Variants in CCPG1 observed in about 807,000 individuals in gnomAD.
CCPG1 encodes cell cycle progression protein 1.
In CCPG1, 46 loss-of-function variants were observed where a neutral mutation model predicts 81.3. That is an observed-to-expected ratio of 0.57 (90% CI 0.45 to 0.72). CCPG1 has a LOEUF of 0.72. Ranked by LOEUF, CCPG1 falls within the 30% of genes least tolerant of loss-of-function variation. The pLI is 0.00. For missense variants in CCPG1, 902 were observed against 937.6 expected (o/e 0.96, Z 0.50); for synonymous variants, 330 against 305.2 (o/e 1.08, Z -0.85).
Position 55,404,854 on chromosome 15 carries a change from G to A in CCPG1, c.-10+3367C>T, listed in dbSNP as rs938817685. Among the ~76,000 whole-genome samples the A allele has an allele frequency of 2.0e-5, 3 of 152,172 alleles. No homozygotes were observed. In the East Asian group the frequency reaches 5.8e-4, roughly 29 times the overall value. On this transcript the variant is annotated intron_variant, in intron 1 of 8. Transcript: ENST00000442196. ...CGGGAGGCCCAGGCAACCGGATCAC[G>A]CATTCAGGAGATCGAGACCATCCTG... is the stretch of plus-strand genomic sequence containing the variant.
intron 8 of CCPG1, chr15:55,359,118 T>G: frequency 1.0e-6 from 1 of 983,196 alleles, no homozygotes; most frequent in African/African-American, 1.7e-5. Flanking sequence ...AATTATTATA[T>G]ATGAGCTCTT....
intron 3 of CCPG1, among the ~76,000 whole-genome samples, chr15:55,382,799 A>G (rs684011): frequency 0.99 from 151,280 of 152,268 alleles, 75,163 homozygotes; most frequent in East Asian, 1. Context: ...ATGAGCCACC[A>G]CACCCGACCA....
intron 3 of CCPG1, among the ~76,000 whole-genome samples, chr15:55,385,157 C>T (rs147079768): frequency 1.4e-3 from 217 of 152,204 alleles, no homozygotes; most frequent in Non-Finnish European, 1.3e-3. Flanking sequence ...CAAATCCACA[C>T]TGAAGTTTTT....
At chr15:55,376,847 A>G (rs2056576424) in intron 5 of CCPG1, 102 bp downstream of exon 5, 1 of 818,542 alleles carries the variant, frequency 1.2e-6, no homozygotes, top group Non-Finnish European at 1.9e-6. Flanking sequence ...TTTTACCCAA[A>G]CATATTCAAA....
chr15:55,372,184 AC>A (rs2056463388), intron 5 of CCPG1, 140 bp from the exon 6 acceptor site: 1 of 740,934 alleles, frequency 1.3e-6, no homozygotes, highest in Non-Finnish European at 2.2e-6. Context: ...AACAACATAA[AC>A]AAAAACACGG....
Position 55,378,473 on chromosome 15 carries a change from T to C in CCPG1, c.176-97A>G. ...TATAATCTGGGTAGATAAAAATCTC[T>C]TCCTAATATGTTAGGATAGATTTAA... On this transcript the variant is annotated intron_variant, in intron 3 of 8. Transcript: ENST00000442196. 6 of 655,192 alleles carry C rather than the reference T, an allele frequency of 9.2e-6. No individual in the cohort carries two copies. In the South Asian group the frequency reaches 1.2e-4, roughly 13 times the overall value. The allele number at this position is 655,192 out of a possible 1,614,324, so 40.6% of individuals were successfully genotyped here. A position where few individuals can be genotyped will look rare whatever the true frequency, so the allele number is the denominator to read the frequency against.
At chr15:55,377,972 T>G (rs2056601612) in intron 4 of CCPG1, among the ~76,000 whole-genome samples, 1 of 152,176 alleles carries the variant, frequency 6.6e-6, no homozygotes, top group African/African-American at 2.4e-5. Flanking sequence ...AGAAGTCAAG[T>G]AAAACCCCAA....
intron 5 of CCPG1, among the ~76,000 whole-genome samples, chr15:55,375,230 T>C (rs1463329544): frequency 6.6e-6 from 1 of 152,172 alleles, no homozygotes; most frequent in East Asian, 1.9e-4. Flanking sequence ...TTTTTTGAGA[T>C]GGTGCTGGGA....
In CCPG1 at chr15:55,356,242, A is replaced by G; in HGVS notation, c.2402T>C (p.Leu801Ser). 1 of 1,534,238 alleles carries G rather than the reference A, an allele frequency of 6.5e-7. No individual in the cohort carries two copies. The highest frequency in any genetic ancestry group is 8.7e-7 in the Non-Finnish European group (1 of 1,146,122). The change falls in exon 9 of 9, where the codon TTA (leucine) becomes TCA (serine). Residue 801 changes from leucine (L) to serine (S), a missense_variant. By Grantham distance (145) the Leu-to-Ser change is moderately radical. This residue lies in a region of CCPG1 where 128 missense variants were observed against 161.2 expected (regional missense o/e 0.79). Transcript: ENST00000442196. ...GAATCAGTATTGAGGATCAAAAGGT[A>G]ATTGCCCCAATTCTATTTCAAGATT... is the stretch of plus-strand genomic sequence containing the variant. Reference protein sequence around the residue: ...MANLEIELGQLPFDPQY With the variant: ...MANLEIELGQSPFDPQY
chr15:55,377,218 T>C (rs2056585266), intron 4 of CCPG1, 68 bp from the exon 5 acceptor site: 3 of 1,067,470 alleles, frequency 2.8e-6, no homozygotes, highest in African/African-American at 1.6e-5. Flanking sequence ...TTTCTTAGAA[T>C]ACAACAGTAG....
chr15:55,404,341 C>T (rs1002587647), intron 1 of CCPG1, among the ~76,000 whole-genome samples: 1 of 151,418 alleles, frequency 6.6e-6, no homozygotes, highest in South Asian at 2.1e-4. Flanking sequence ...CTGATAGTAG[C>T]CAAAAAAAAG....
At chr15:55,396,198 T>C (rs1033740446) in intron 1 of CCPG1, among the ~76,000 whole-genome samples, 8 of 150,856 alleles carry the variant, frequency 5.3e-5, no homozygotes, top group East Asian at 1.9e-4. Flanking sequence ...GAGAAATCCA[T>C]GAGCTTCCTC....
Position 55,360,251 on chromosome 15 carries a change from T to C in CCPG1, c.1522A>G (p.Lys508Glu), listed in dbSNP as rs2056163964. The change falls in exon 8 of 9, where the codon AAA becomes GAA. Residue 508 changes from lysine (K) to glutamate (E), a missense_variant. By Grantham distance (56) the Lys-to-Glu change is moderately conservative. This residue lies in a region of CCPG1 where 746 missense variants were observed against 728.6 expected (regional missense o/e 1.02). Coordinates refer to ENST00000442196, the MANE Select transcript of CCPG1 (RefSeq NM_001204450.2). ...NSTKEFVRHH[K>E]EKIKQAKEAV... The stretch of plus-strand genomic sequence containing the variant: ...TCTTTAGCCTGCTTAATTTTCTCTT[T>C]ATGATGCCTTACAAACTCCTTGGTA... The C allele has an allele frequency of 1.2e-6, 2 of 1,614,026 alleles. No individual in the cohort carries two copies. Among genetic ancestry groups the C allele is most frequent in the Non-Finnish European group, 1.7e-6 (2 of 1,180,018 alleles).
intron 1 of CCPG1, among the ~76,000 whole-genome samples, chr15:55,391,729 C>A (rs1489576358): frequency 6.6e-6 from 1 of 151,748 alleles, no homozygotes; most frequent in East Asian, 1.9e-4. Context: ...GTGGAGAGTG[C>A]CTATTAATCC....
At chr15:55,406,860 T>C (rs143402826) in intron 1 of CCPG1, among the ~76,000 whole-genome samples, 12 of 152,330 alleles carry the variant, frequency 7.9e-5, no homozygotes, top group African/African-American at 2.9e-4. Context: ...TAAATTGTAT[T>C]TGGGCTGATT....
At position 55,360,305 on chromosome 15, in the gene CCPG1, T is replaced by C; in HGVS notation, c.1468A>G (p.Lys490Glu). Residue 490 changes from lysine to glutamate, a missense_variant, in exon 8 of 9, where the codon AAG (lysine) becomes GAG (glutamate). By Grantham distance (56) the Lys-to-Glu change is moderately conservative. Coordinates refer to ENST00000442196, the MANE Select transcript of CCPG1 (RefSeq NM_001204450.2). ...TTCTTCATGGCATCAAATGTTTCCT[T>C]AACTGAACCCAAAAATGTTTCCTTT... ...KSKETFLGSV[K>E]ETFDAMKNST... The C allele has an allele frequency of 6.2e-7, 1 of 1,613,990 alleles. No individual in the cohort carries two copies. Among genetic ancestry groups the C allele is most frequent in the Non-Finnish European group, 8.5e-7 (1 of 1,179,980 alleles).
chr15:55,379,554 A>G (rs1177576061), intron 3 of CCPG1, among the ~76,000 whole-genome samples: 2 of 152,012 alleles, frequency 1.3e-5, no homozygotes, highest in Non-Finnish European at 2.9e-5. Context: ...AGGGCAGTCC[A>G]GGCACAGTGG....
chr15:55,360,637 G>T lies in CCPG1; in HGVS notation c.1136C>A (p.Ala379Glu). ...CTCCAGTTCTCTCTTTAGCATCTTT[G>T]CTTCTGTCAACAGAGTCTCCCTTTG... is the stretch of plus-strand genomic sequence containing the variant. Reference protein sequence around the residue: ...LSQRETLLTEAKMLKRELERE... With the variant: ...LSQRETLLTEEKMLKRELERE... The change falls in exon 8 of 9, where the codon GCA becomes GAA. Residue 379 changes from alanine to glutamate, a missense_variant. This residue lies in a region of CCPG1 where 746 missense variants were observed against 728.6 expected (regional missense o/e 1.02). Coordinates refer to ENST00000442196, the MANE Select transcript of CCPG1 (RefSeq NM_001204450.2). 6.2e-7 allele frequency: 1 copy of T among 1,614,028 alleles called. No homozygotes were observed. Among genetic ancestry groups the T allele is most frequent in the Non-Finnish European group, 8.5e-7 (1 of 1,180,010 alleles).
rs1396187648 is a variant in CCPG1, at chr15:55,360,084, T to C, written c.1689A>G (p.Arg563=). 12 of 1,613,770 alleles carry C rather than the reference T, an allele frequency of 7.4e-6. No individual in the cohort carries two copies. The highest frequency in any genetic ancestry group is 1.0e-5 in the Non-Finnish European group (12 of 1,179,922). ...GATKEAAEKP[R]TVFSDYLHPQ... is the part of the protein sequence containing the mutation. ...GATGTAAATAGTCACTAAAAACTGT[T>C]CTTGGTTTTTCAGCTGCTTCTTTTG... Residue 563 remains arginine (R), a synonymous_variant, in exon 8 of 9, where the codon AGA becomes AGG. Transcript: ENST00000442196.
Sources: gnomAD v4.1 joint callset for allele counts (sites outside exome capture counted in the v4.1 genomes callset) on GRCh38, gnomAD v4.1.1 for gene constraint, gnomAD v4.1.1 regional missense constraint, MANE v1.5 for transcripts, NCBI Gene and HGNC (gene_info 2026-07-23, HGNC 2026-07-21) for gene names.